Variants in CCDC192 observed in about 807,000 individuals in gnomAD.
CCDC192 encodes coiled-coil domain-containing protein 192.
At chr5:127,866,629 T>G (rs143822399) in intron 5 of CCDC192, among the ~76,000 whole-genome samples, 1 of 151,840 alleles carries the variant, frequency 6.6e-6, no homozygotes, top group Non-Finnish European at 1.5e-5. Flanking sequence ...AGAATAAAGA[T>G]TCTAAAGTAT....
intron 6 of CCDC192, among the ~76,000 whole-genome samples, chr5:127,919,073 A>ATGTGTGTGTG (rs70997353): frequency 1.0e-4 from 14 of 137,422 alleles, no homozygotes; most frequent in African/African-American, 2.9e-4. Flanking sequence ...GTGTGTATAT[A>ATGTGTGTGTG]TGTGTGTGTG....
chr5:127,865,432 T>C (rs1335154587), intron 5 of CCDC192, among the ~76,000 whole-genome samples: 1 of 151,932 alleles, frequency 6.6e-6, no homozygotes, highest in East Asian at 1.9e-4. Flanking sequence ...TGTAGCAGAC[T>C]ATTGCTATTT....
intron 2 of CCDC192, among the ~76,000 whole-genome samples, chr5:127,752,220 T>C (rs1754227514): frequency 6.6e-6 from 1 of 152,254 alleles, no homozygotes. Context: ...TTTTCTGCTC[T>C]GTTTTTTCCC....
chr5:127,888,952 T>C (rs1474427342), intron 6 of CCDC192, among the ~76,000 whole-genome samples: 1 of 152,192 alleles, frequency 6.6e-6, no homozygotes, highest in African/African-American at 2.4e-5. Flanking sequence ...GATGACCTTC[T>C]TTTGAGGTTG....
chr5:127,902,310 A>G (rs1336641328), intron 6 of CCDC192, among the ~76,000 whole-genome samples: 2 of 151,670 alleles, frequency 1.3e-5, no homozygotes, highest in African/African-American at 4.8e-5. Context: ...AAAAATAAGA[A>G]CCACATAATC....
At chr5:127,823,332 A>G (rs1749382715) in intron 5 of CCDC192, among the ~76,000 whole-genome samples, 1 of 152,210 alleles carries the variant, frequency 6.6e-6, no homozygotes, top group African/African-American at 2.4e-5. Flanking sequence ...CTTGGGTCAG[A>G]GAGAATCCCT....
intron 6 of CCDC192, among the ~76,000 whole-genome samples, chr5:127,888,607 T>C (rs10491254): frequency 0.05 from 7,644 of 152,248 alleles, 505 homozygotes; most frequent in African/African-American, 0.15. Context: ...TTCTCATTTA[T>C]GGATGTTAAC....
At chr5:127,849,001 G>A (rs903803308) in intron 5 of CCDC192, among the ~76,000 whole-genome samples, 3 of 152,096 alleles carry the variant, frequency 2.0e-5, no homozygotes, top group Admixed American at 6.6e-5. Flanking sequence ...AGGCTGAGGC[G>A]GGCAGATCAC....
At chr5:127,923,334 G>T (rs1239104281) in intron 6 of CCDC192, among the ~76,000 whole-genome samples, 1 of 151,834 alleles carries the variant, frequency 6.6e-6, no homozygotes, top group African/African-American at 2.4e-5. Context: ...CAGTATTTTA[G>T]GGGTCCTCCC....
chr5:127,916,310 T>C (rs187681211), intron 6 of CCDC192, among the ~76,000 whole-genome samples: 1 of 152,334 alleles, frequency 6.6e-6, no homozygotes, highest in East Asian at 1.9e-4. Context: ...TCCACTGAAG[T>C]CTTAAACCCC....
intron 5 of CCDC192, among the ~76,000 whole-genome samples, chr5:127,829,256 G>C (rs1010421917): frequency 9.2e-5 from 14 of 152,204 alleles, no homozygotes; most frequent in Admixed American, 3.3e-4. Context: ...TCAAGAGTAA[G>C]TTGAAAATGC....
At chr5:127,785,423 C>A (rs1441180633) in intron 3 of CCDC192, 7 of 356,912 alleles carry the variant, frequency 2.0e-5, no homozygotes, top group Non-Finnish European at 3.9e-5. Context: ...CTTGAAACAT[C>A]CACTGAAGTT....
In CCDC192 at chr5:127,800,620, A is replaced by G. The variant is rs559703083; in HGVS notation, c.411+2458A>G. 1.1e-4 allele frequency among the ~76,000 whole-genome samples: 16 copies of G among 152,218 alleles called. No individual in the cohort carries two copies. The East Asian group carries it at 3.1e-3, about 29-fold the overall frequency. ...ACTCTGGTTCTTAAATATGACCTGAATATCTTGCTGACACCTCAGGCTAAG... is the reference window on the plus strand; with the variant it reads ...ACTCTGGTTCTTAAATATGACCTGAGTATCTTGCTGACACCTCAGGCTAAG... On this transcript the variant is annotated intron_variant, in intron 5 of 6. Coordinates refer to ENST00000514853, the MANE Select transcript of CCDC192 (RefSeq NM_001317938.2).
At chr5:127,870,045 A>G (rs934863885) in intron 5 of CCDC192, among the ~76,000 whole-genome samples, 2 of 152,186 alleles carry the variant, frequency 1.3e-5, no homozygotes, top group Non-Finnish European at 2.9e-5. Context: ...ACTTTATCAA[A>G]TTAAATAAGA....
At chr5:127,801,426 G>C (rs984046373) in intron 5 of CCDC192, among the ~76,000 whole-genome samples, 1 of 152,024 alleles carries the variant, frequency 6.6e-6, no homozygotes, top group African/African-American at 2.4e-5. Flanking sequence ...CCTCCATCCT[G>C]AGTGAAGTTT....
intron 6 of CCDC192, among the ~76,000 whole-genome samples, chr5:127,922,577 T>G (rs1753751212): frequency 6.6e-6 from 1 of 152,030 alleles, no homozygotes; most frequent in Non-Finnish European, 1.5e-5. Flanking sequence ...CATCTCTACA[T>G]AAAAATACAA....
chr5:127,885,045 A>G (rs1752511108), intron 6 of CCDC192, among the ~76,000 whole-genome samples: 1 of 152,130 alleles, frequency 6.6e-6, no homozygotes, highest in Admixed American at 6.5e-5. Context: ...TTTTGGAATT[A>G]TACCATTATC....
chr5:127,876,756 T>C (rs896847981), intron 6 of CCDC192, among the ~76,000 whole-genome samples: 1 of 152,190 alleles, frequency 6.6e-6, no homozygotes, highest in Non-Finnish European at 1.5e-5. Flanking sequence ...GCAGGCGATG[T>C]GGTAGTTTCA....
intron 3 of CCDC192, among the ~76,000 whole-genome samples, chr5:127,795,461 A>G (rs1421181946): frequency 6.6e-6 from 1 of 152,160 alleles, no homozygotes; most frequent in Non-Finnish European, 1.5e-5. Flanking sequence ...TGTAATCCTC[A>G]AAACCAACTG....
Sources: allele counts gnomAD v4.1 joint callset (sites outside exome capture counted in the v4.1 genomes callset), GRCh38; gene constraint gnomAD v4.1.1; transcripts MANE v1.5; gene names NCBI Gene and HGNC (gene_info 2026-07-23, HGNC 2026-07-21).